TBCCD1: variants seen among roughly 807,000 people sequenced by gnomAD.
The protein encoded by TBCCD1 is TBCC domain containing 1, also known as TBCC domain-containing protein 1.
TBCCD1 carries 26 observed loss-of-function variants against 53.4 expected under a neutral mutation model. The observed-to-expected ratio is 0.49, with a 90% CI of 0.36 to 0.68. The LOEUF is 0.68. Among genes scored for constraint, TBCCD1 ranks in the 30% least tolerant of loss-of-function variants. The pLI, the probability that TBCCD1 is intolerant of heterozygous loss-of-function variation, is 0.00. For missense variants in TBCCD1, 558 were observed against 669.5 expected (o/e 0.83, Z 1.84); for synonymous variants, 245 against 241.7 (o/e 1.01, Z -0.13).
At position 186,554,915 on chromosome 3, in the gene TBCCD1, A is replaced by ATT; in HGVS notation, c.1028_1029insAA (p.Tyr343Ter). 1.2e-6 allele frequency: 2 copies of ATT among 1,613,782 alleles called. No individual in the cohort carries two copies. The highest frequency in any genetic ancestry group is 1.7e-6 in the Non-Finnish European group (2 of 1,180,010). ...KIHRCNESFI[Y>*]LLSPLRSVTI... ...GTGCTTACCGTAAGGGAGAGAGCAG[A>ATT]TATATAAAAGATTCGTTGCAACGAT... Residue 343 changes from tyrosine to a stop codon, truncating the protein, a stop_gained and frameshift_variant, in exon 5 of 8, where the codon TAT becomes TAAAT. Transcript: ENST00000338733. LOFTEE classifies it high-confidence loss of function.
chr3:186,558,942 A>C (rs1217521194), intron 2 of TBCCD1, among the ~76,000 whole-genome samples: 1 of 152,096 alleles, frequency 6.6e-6, no homozygotes, highest in Non-Finnish European at 1.5e-5. Flanking sequence ...ATAGGGTTTC[A>C]CCATGTTGGC....
intron 6 of TBCCD1, among the ~76,000 whole-genome samples, chr3:186,552,190 A>G (rs1408196121): frequency 6.6e-6 from 1 of 152,110 alleles, no homozygotes; most frequent in Non-Finnish European, 1.5e-5. Flanking sequence ...GAGTATTTGG[A>G]GAGGAATATA....
chr3:186,551,613 T>C (rs764199025), intron 6 of TBCCD1, among the ~76,000 whole-genome samples: 12 of 152,216 alleles, frequency 7.9e-5, no homozygotes, highest in Admixed American at 1.3e-4. Context: ...GAGGGCACCA[T>C]TCACATTGTG....
At chr3:186,550,185 C>T (rs1714329216) in intron 7 of TBCCD1, among the ~76,000 whole-genome samples, 1 of 149,818 alleles carries the variant, frequency 6.7e-6, no homozygotes, top group Admixed American at 6.6e-5. Context: ...TGAGATTGTG[C>T]CACTGCAACT....
chr3:186,558,792 G>A (rs1160584314), intron 2 of TBCCD1, among the ~76,000 whole-genome samples: 1 of 152,102 alleles, frequency 6.6e-6, no homozygotes, highest in Non-Finnish European at 1.5e-5. Flanking sequence ...CCAGGCTGGA[G>A]TGCAATGATG....
chr3:186,567,954 CTCCT>C (rs1714887358), upstream of TBCCD1, among the ~76,000 whole-genome samples: 1 of 152,228 alleles, frequency 6.6e-6, no homozygotes, highest in Admixed American at 6.5e-5. Context: ...GAAGCCATCA[CTCCT>C]TCCTTTAAAC....
intron 6 of TBCCD1, among the ~76,000 whole-genome samples, chr3:186,552,471 A>C (rs1057482245): frequency 6.6e-6 from 1 of 152,208 alleles, no homozygotes; most frequent in Non-Finnish European, 1.5e-5. Flanking sequence ...TCAGTTCAGA[A>C]ACCCCCACAC....
chr3:186,556,079 T>A (rs941187975), intron 4 of TBCCD1, among the ~76,000 whole-genome samples: 1 of 152,190 alleles, frequency 6.6e-6, no homozygotes, highest in Non-Finnish European at 1.5e-5. Context: ...ATGCTATTAT[T>A]CTTCTTCTTT....
chr3:186,556,731 C>G lies in TBCCD1; in HGVS notation c.537G>C (p.Leu179=). The G allele has an allele frequency of 6.2e-7, 1 of 1,614,062 alleles. No homozygotes were observed. The highest frequency in any genetic ancestry group is 8.5e-7 in the Non-Finnish European group (1 of 1,180,018). Residue 179 remains leucine (L), a synonymous_variant, in exon 4 of 8, where the codon CTG becomes CTC. Transcript: ENST00000338733. ...YSHQAFVYDH[L]SDLLELLLDP... ...CTAAAAGCAGCTCGAGGAGATCAGACAGATGATCATAGACAAAAGCTTGGT... is the reference window on the plus strand; with the variant it reads ...CTAAAAGCAGCTCGAGGAGATCAGAGAGATGATCATAGACAAAAGCTTGGT...
intron 1 of TBCCD1, among the ~76,000 whole-genome samples, chr3:186,566,643 G>A (rs1244131714): frequency 1.3e-5 from 2 of 152,208 alleles, no homozygotes; most frequent in South Asian, 2.1e-4. Context: ...CCAGTTTTGG[G>A]AGAATCTCTT....
At chr3:186,551,876 C>T (rs879270660) in intron 6 of TBCCD1, among the ~76,000 whole-genome samples, 4 of 152,204 alleles carry the variant, frequency 2.6e-5, no homozygotes, top group Non-Finnish European at 5.9e-5. Flanking sequence ...ACTCGGGAGG[C>T]TGAGGCAGGA....
Position 186,551,713 on chromosome 3 carries a change from G to A in TBCCD1, c.1545-434C>T, listed in dbSNP as rs575280741. 8.5e-5 allele frequency among the ~76,000 whole-genome samples: 13 copies of A among 152,344 alleles called. No individual in the cohort carries two copies. The South Asian group carries it at 2.1e-3, about 24-fold the overall frequency. On this transcript the variant is annotated intron_variant, in intron 6 of 7. Coordinates refer to ENST00000338733, the MANE Select transcript of TBCCD1 (RefSeq NM_018138.5). ...AAATAGGCCGGGCATGGTGACTAAC[G>A]CCTGTAATCCCAGCACTTTGGGAGG...
chr3:186,570,398 A>AAAGTCCGAGGAAGTGGG, upstream of TBCCD1: 1 of 481,070 alleles, frequency 2.1e-6, no homozygotes, highest in Non-Finnish European at 3.7e-6. Context: ...TGATTGGTGG[A>AAAGTCCGAGGAAGTGGG]AAGTCCGAGG....
At chr3:186,568,167 C>A (rs1392854208), upstream of TBCCD1, among the ~76,000 whole-genome samples, 1 of 152,166 alleles carries the variant, frequency 6.6e-6, no homozygotes, top group Non-Finnish European at 1.5e-5. Flanking sequence ...CCAGGCTGCA[C>A]CACTTATTAG....
rs1468785541 is a variant in TBCCD1, at chr3:186,551,195, G to A, written c.1629C>T (p.Asp543=). 6.2e-7 allele frequency: 1 copy of A among 1,612,666 alleles called. No homozygotes were observed. Among genetic ancestry groups the A allele is most frequent in the East Asian group, 2.2e-5 (1 of 44,878 alleles). The change falls in exon 7 of 8, where the codon GAC becomes GAT. Residue 543 remains aspartate, a synonymous_variant. Coordinates refer to ENST00000338733, the MANE Select transcript of TBCCD1 (RefSeq NM_018138.5). Reference sequence around the variant, plus strand: ...AGCCTGCTGCAGGGGGTACAAGGCTGTCCAGCTGTTGGCGATGTCCTGTAT... The same window carrying A: ...AGCCTGCTGCAGGGGGTACAAGGCTATCCAGCTGTTGGCGATGTCCTGTAT... ...LINTGHRQQL[D]SLVPPAAGSK... is the part of the protein sequence containing the mutation.
At chr3:186,555,457 T>C (rs780772513) in intron 4 of TBCCD1, among the ~76,000 whole-genome samples, 1 of 152,228 alleles carries the variant, frequency 6.6e-6, no homozygotes, top group Non-Finnish European at 1.5e-5. Flanking sequence ...CTTTACTTTA[T>C]CATCCCAAAC....
At chr3:186,567,990 C>T (rs562618646), upstream of TBCCD1, among the ~76,000 whole-genome samples, 1 of 152,346 alleles carries the variant, frequency 6.6e-6, no homozygotes, top group East Asian at 1.9e-4. Context: ...AATTTCTGGA[C>T]ATTTCCTGCT....
intron 2 of TBCCD1, among the ~76,000 whole-genome samples, chr3:186,559,124 C>A (rs1250086206): frequency 6.6e-6 from 1 of 152,112 alleles, no homozygotes; most frequent in African/African-American, 2.4e-5. Context: ...TAGAAATTAT[C>A]TCTCAAAACT....
chr3:186,564,189 T>A lies in TBCCD1; in HGVS notation c.141A>T (p.Gly47=), dbSNP rs1291111681. ...TAGACCAGTAGAGGCGCGGGTAAGCTCCTTCTGTGGCCCGGATTTGCACAT... is the reference window on the plus strand; with the variant it reads ...TAGACCAGTAGAGGCGCGGGTAAGCACCTTCTGTGGCCCGGATTTGCACAT... ...STYVQIRATE[G]AYPRLYWSTW... The change falls in exon 2 of 8, where the codon GGA becomes GGT. Residue 47 remains glycine (G), a synonymous_variant. Transcript: ENST00000338733. The A allele has an allele frequency of 6.2e-7, 1 of 1,614,116 alleles. No homozygotes were observed. Among genetic ancestry groups the A allele is most frequent in the Admixed American group, 1.7e-5 (1 of 60,020 alleles).
Sources: gnomAD v4.1 joint callset for allele counts (sites outside exome capture counted in the v4.1 genomes callset) on GRCh38, gnomAD v4.1.1 for gene constraint, MANE v1.5 for transcripts, NCBI Gene and HGNC (gene_info 2026-07-23, HGNC 2026-07-21) for gene names.